Variants in FOXP2 observed in about 807,000 individuals in gnomAD.
FOXP2 encodes the protein forkhead box P2.
In FOXP2, 12 loss-of-function variants were observed where a neutral mutation model predicts 115.8. The ratio of observed to expected loss-of-function variants is 0.10; its 90% CI spans 0.07 to 0.17. The LOEUF (loss-of-function observed/expected upper bound fraction) is 0.17. Among genes scored for constraint, FOXP2 ranks in the 10% least tolerant of loss-of-function variants. The probability of loss-of-function intolerance (pLI) is 1.00; values close to 1 mark genes in which losing one functional copy is unlikely to be tolerated. For synonymous variants in FOXP2, 328 were observed against 297.7 expected, an observed-to-expected ratio of 1.10 and a Z score of -1.05; for missense variants, 629 against 843.5, an observed-to-expected ratio of 0.75 and a Z score of 3.15.
intron 2 of FOXP2, among the ~76,000 whole-genome samples, chr7:114,440,496 A>G (rs2129212049): frequency 6.6e-6 from 1 of 152,280 alleles, no homozygotes; most frequent in African/African-American, 2.4e-5. Flanking sequence ...TATTATCACT[A>G]ATTTATTTGA....
intron 1 of FOXP2, among the ~76,000 whole-genome samples, chr7:114,282,430 T>C (rs1438042025): frequency 6.6e-6 from 1 of 152,200 alleles, no homozygotes; most frequent in African/African-American, 2.4e-5. Flanking sequence ...GGACAGAGCA[T>C]TCCTTTATTC....
chr7:114,620,791 T>C (rs1717849274), intron 3 of FOXP2, among the ~76,000 whole-genome samples: 1 of 152,094 alleles, frequency 6.6e-6, no homozygotes, highest in Admixed American at 6.6e-5. Context: ...GTTTAAGCTA[T>C]TCATGGATGA....
chr7:114,526,794 A>G lies in FOXP2; in HGVS notation c.169-7823A>G, dbSNP rs376905086. Among the ~76,000 whole-genome samples, 9 of 152,236 alleles carry G rather than the reference A, an allele frequency of 5.9e-5. No individual in the cohort carries two copies. The South Asian group carries it at 1.7e-3, about 28-fold the overall frequency. On this transcript the variant is annotated intron_variant, in intron 2 of 16. Transcript: ENST00000350908. ...TTTTTAATATATAACAACTTTATTG[A>G]GATATAATTTATGTATCACAAAACC...
At chr7:114,146,039 A>G (rs959430951) in intron 1 of FOXP2, among the ~76,000 whole-genome samples, 3 of 152,020 alleles carry the variant, frequency 2.0e-5, no homozygotes, top group African/African-American at 7.2e-5. Flanking sequence ...GGTGGGTTTC[A>G]TTTGCTTTAT....
rs138468890 is a variant in FOXP2 at position 114,423,574 on chromosome 7, G to A, written c.-10-2928G>A. 1.3e-3 allele frequency among the ~76,000 whole-genome samples: 194 copies of A among 151,582 alleles called. 1 individual carries two copies. The highest frequency in any genetic ancestry group is 4.4e-3 in the African/African-American group (181 of 41,450). Reference sequence around the variant, plus strand: ...GATTCATCTTTCCCTTTAATGATCTGGAATTTATTTTCACTGATTTTTGTA... The same window carrying A: ...GATTCATCTTTCCCTTTAATGATCTAGAATTTATTTTCACTGATTTTTGTA... On this transcript the variant is annotated intron_variant, in intron 1 of 16. Coordinates refer to ENST00000350908, the MANE Select transcript of FOXP2 (RefSeq NM_014491.4).
chr7:114,283,972 G>C (rs1796399282), intron 1 of FOXP2, among the ~76,000 whole-genome samples: 1 of 151,816 alleles, frequency 6.6e-6, no homozygotes, highest in Admixed American at 6.6e-5. Context: ...AAAAAGAAGA[G>C]CAAAACAAAA....
At chr7:114,502,893 G>A (rs1797631197) in intron 2 of FOXP2, among the ~76,000 whole-genome samples, 1 of 152,010 alleles carries the variant, frequency 6.6e-6, no homozygotes. Context: ...TAGCACCTGA[G>A]TCTAGGCTAG....
rs920056205 is a variant in FOXP2 at position 114,090,789 on chromosome 7, G to A, written c.-247+2951G>A. 6.0e-5 allele frequency among the ~76,000 whole-genome samples: 9 copies of A among 151,208 alleles called. 1 individual carries two copies. The highest frequency in any genetic ancestry group is 3.9e-4 in the Admixed American group (6 of 15,192). On this transcript the variant is annotated intron_variant, in intron 1 of 19. Transcript: ENST00000635638. ...CTATCAATTCTATAGTCTTTATTAA[G>A]TACAATTATTTACATTCTTGGAACT...
At chr7:114,628,931 T>G in intron 4 of FOXP2, 1 of 463,400 alleles carries the variant, frequency 2.2e-6, no homozygotes, top group Non-Finnish European at 3.9e-6. Context: ...TGAGCCAATA[T>G]TTAAATATTC....
chr7:114,437,443 T>C (rs573737887), intron 2 of FOXP2, among the ~76,000 whole-genome samples: 1 of 152,304 alleles, frequency 6.6e-6, no homozygotes, highest in East Asian at 1.9e-4. Context: ...TATTACTTTT[T>C]TCCTTTATTA....
chr7:114,230,641 T>C (rs1309519797), intron 1 of FOXP2, among the ~76,000 whole-genome samples: 1 of 152,002 alleles, frequency 6.6e-6, no homozygotes, highest in Non-Finnish European at 1.5e-5. Context: ...TTAGAATAGA[T>C]GCAGAAAAAC....
chr7:114,624,141 T>C (rs1804402580), intron 3 of FOXP2, among the ~76,000 whole-genome samples: 1 of 151,888 alleles, frequency 6.6e-6, no homozygotes, highest in African/African-American at 2.4e-5. Flanking sequence ...TAAATAAAGA[T>C]ATTTCAGAGG....
intron 3 of FOXP2, among the ~76,000 whole-genome samples, chr7:114,600,061 T>A (rs12531289): frequency 0.73 from 111,669 of 151,936 alleles, 44,319 homozygotes; most frequent in Non-Finnish European, 0.88. Context: ...TACATTGGAT[T>A]CACTCTTGGT....
At position 114,693,178 on chromosome 7, in the gene FOXP2, A is replaced by C. The variant is rs776002625; in HGVS notation, c.*3252A>C. On this transcript the variant is annotated 3_prime_UTR_variant, in exon 17 of 17. Transcript: ENST00000350908. ...ATTAAAATTTTATGTGAATGTTACA[A>C]GTATTTGGTAGAATTACCACTAACT... 2 of 453,482 alleles carry C rather than the reference A, an allele frequency of 4.4e-6. No homozygotes were observed. The highest frequency in any genetic ancestry group is 8.8e-6 in the Non-Finnish European group (2 of 226,532). 28.1% of individuals were successfully genotyped at this position (453,482 alleles called of 1,614,324 possible).
intron 2 of FOXP2, among the ~76,000 whole-genome samples, chr7:114,495,102 A>G (rs372137426): frequency 1.3e-5 from 2 of 152,188 alleles, no homozygotes; most frequent in East Asian, 1.9e-4. Context: ...TTTACCCCTT[A>G]CCACATACAC....
chr7:114,559,833 G>A (rs1351931549), intron 3 of FOXP2, among the ~76,000 whole-genome samples: 1 of 150,556 alleles, frequency 6.6e-6, no homozygotes, highest in Non-Finnish European at 1.5e-5. Flanking sequence ...AGCTTGCAGT[G>A]AGCCAATATC....
chr7:114,615,055 C>G (rs1343961076), intron 3 of FOXP2, among the ~76,000 whole-genome samples: 1 of 151,928 alleles, frequency 6.6e-6, no homozygotes, highest in East Asian at 1.9e-4. Flanking sequence ...CCCGTCTCTA[C>G]CAAAAATGCA....
At chr7:114,294,423 GTGTACACATATTTGGAGTGC>G (rs1454652077) in intron 2 of FOXP2, among the ~76,000 whole-genome samples, 1 of 152,128 alleles carries the variant, frequency 6.6e-6, no homozygotes, top group Non-Finnish European at 1.5e-5. Context: ...ATCTAGATAT[GTGTACACATATTTGGAGTGC>G]TGTACTTTGA....
chr7:114,150,382 A>T (rs754216777), intron 1 of FOXP2, among the ~76,000 whole-genome samples: 5 of 152,036 alleles, frequency 3.3e-5, no homozygotes, highest in Non-Finnish European at 5.9e-5. Flanking sequence ...AGGAGAAATT[A>T]CTAAAACCAG....
Sources: gnomAD v4.1 joint callset for allele counts (sites outside exome capture counted in the v4.1 genomes callset) on GRCh38, gnomAD v4.1.1 for gene constraint, MANE v1.5 for transcripts, NCBI Gene and HGNC (gene_info 2026-07-23, HGNC 2026-07-21) for gene names.